NEMP2: variants seen among roughly 807,000 people sequenced by gnomAD.
The protein encoded by NEMP2 is UPF0571 transmembrane protein.
A neutral mutation model predicts 54.2 loss-of-function variants in NEMP2; 53 were observed. That is an observed-to-expected ratio of 0.98 (90% CI 0.78 to 1.23). The LOEUF (loss-of-function observed/expected upper bound fraction) is 1.23, where lower values mean the gene tolerates loss of function less well. Ranked by LOEUF, NEMP2 falls within the 50% of genes most tolerant of loss-of-function variation. The pLI is 0.00. For missense variants in NEMP2, 455 were observed against 511.3 expected, an observed-to-expected ratio of 0.89 and a Z score of 1.06; for synonymous variants, 197 against 190.3, an observed-to-expected ratio of 1.04 and a Z score of -0.29.
chr2:190,528,130 T>C lies in NEMP2; in HGVS notation c.98-2752A>G, dbSNP rs1691006501. 6.6e-6 allele frequency among the ~76,000 whole-genome samples: 1 copy of C among 152,200 alleles called. No homozygotes were observed. The highest frequency in any genetic ancestry group is 6.5e-5 in the Admixed American group (1 of 15,288). On this transcript the variant is annotated intron_variant, in intron 1 of 8. Transcript: ENST00000409150. This position sits in a 1 kb window ranked among gnomAD's most constrained non-coding sequence, Gnocchi z 4.3. ...AAGCAACCAATGCTGAGGCACATTT[T>C]TGAATATATCTGAGATGCAAATGAC...
the NEMP2 span, among the ~76,000 whole-genome samples, chr2:190,493,469 G>C: frequency 3.9e-5 from 6 of 152,142 alleles, 1 homozygote; most frequent in East Asian, 1.2e-3. Context: ...GCACTAGACA[G>C]GACATCAAGA....
chr2:190,632,604 C>T, the NEMP2 span, among the ~76,000 whole-genome samples: 1 of 152,224 alleles, frequency 6.6e-6, no homozygotes, highest in Non-Finnish European at 1.5e-5. The surrounding 1 kb of genome is among the most constrained non-coding windows in gnomAD (Gnocchi z 4.8). Flanking sequence ...GTGTCCTTGC[C>T]TTTCCAGATG....
At chr2:190,474,181 C>G in the NEMP2 span, among the ~76,000 whole-genome samples, 9 of 151,608 alleles carry the variant, frequency 5.9e-5, no homozygotes, top group African/African-American at 2.2e-4. Flanking sequence ...CAAACACATT[C>G]AAAAGCTAGC....
chr2:190,518,654 G>A, intron 4 of NEMP2, 82 bp downstream of exon 4: 1 of 1,150,656 alleles, frequency 8.7e-7, no homozygotes, highest in Non-Finnish European at 1.2e-6. Context: ...GCACAATAGT[G>A]TGAAAATACT....
At chr2:190,445,464 A>AAAAC in the NEMP2 span, among the ~76,000 whole-genome samples, 1 of 148,996 alleles carries the variant, frequency 6.7e-6, no homozygotes, top group African/African-American at 2.5e-5. Context: ...TCACAAAAAA[A>AAAAC]AAAACCCCGA....
the NEMP2 span, among the ~76,000 whole-genome samples, chr2:190,637,335 C>G: frequency 6.6e-6 from 1 of 152,184 alleles, no homozygotes; most frequent in Non-Finnish European, 1.5e-5. The surrounding 1 kb of genome is among the most constrained non-coding windows in gnomAD (Gnocchi z 4.5). Flanking sequence ...GTTGTATCTA[C>G]TATTCTCATG....
the NEMP2 span, among the ~76,000 whole-genome samples, chr2:190,444,642 A>T: frequency 6.6e-6 from 1 of 152,216 alleles, no homozygotes; most frequent in African/African-American, 2.4e-5. Context: ...TATAAAAACC[A>T]TGGCAAAGCA....
At chr2:190,445,891 G>A in the NEMP2 span, among the ~76,000 whole-genome samples, 2 of 152,094 alleles carry the variant, frequency 1.3e-5, no homozygotes, top group South Asian at 4.2e-4. Flanking sequence ...AAGCTCTAAG[G>A]ATTACAGAGC....
At chr2:190,534,219 T>TCC in intron 1 of NEMP2, 1 of 1,079,860 alleles carries the variant, frequency 9.3e-7, no homozygotes, top group Non-Finnish European at 1.1e-6. Flanking sequence ...GAGACTAGGG[T>TCC]CAGCTGTGCC....
chr2:190,486,304 C>T, the NEMP2 span, among the ~76,000 whole-genome samples: 1 of 152,308 alleles, frequency 6.6e-6, no homozygotes, highest in African/African-American at 2.4e-5. Flanking sequence ...GTAGTTCATT[C>T]CCTCACTCTG....
At chr2:190,422,158 A>G in the NEMP2 span, among the ~76,000 whole-genome samples, 1 of 152,028 alleles carries the variant, frequency 6.6e-6, no homozygotes, top group Admixed American at 6.6e-5. Flanking sequence ...CTTTCTCTGT[A>G]TTTATCAGTT....
the NEMP2 span, among the ~76,000 whole-genome samples, chr2:190,645,402 C>T: frequency 6.6e-6 from 1 of 152,098 alleles, no homozygotes. Flanking sequence ...TAGGAACATT[C>T]TAAAATTACT....
At chr2:190,563,897 GC>G in the NEMP2 span, among the ~76,000 whole-genome samples, 1 of 152,254 alleles carries the variant, frequency 6.6e-6, no homozygotes, top group Non-Finnish European at 1.5e-5. The surrounding 1 kb of genome is among the most constrained non-coding windows in gnomAD (Gnocchi z 4.3). Context: ...TGTGGGGCTG[GC>G]CCCAGGGGAG....
chr2:190,635,573 G>A, the NEMP2 span, among the ~76,000 whole-genome samples: 1 of 152,140 alleles, frequency 6.6e-6, no homozygotes, highest in African/African-American at 2.4e-5. This position sits in a 1 kb window ranked among gnomAD's most constrained non-coding sequence, Gnocchi z 4.1. Context: ...TTCTTCCATG[G>A]GAGATATGCA....
chr2:190,542,534 A>C, the NEMP2 span, among the ~76,000 whole-genome samples: 1 of 151,964 alleles, frequency 6.6e-6, no homozygotes, highest in Non-Finnish European at 1.5e-5. This position sits in a 1 kb window ranked among gnomAD's most constrained non-coding sequence, Gnocchi z 4.6. Flanking sequence ...TTTTGAGGTA[A>C]CTTTCTATAT....
At chr2:190,489,541 T>C in the NEMP2 span, among the ~76,000 whole-genome samples, 1 of 152,222 alleles carries the variant, frequency 6.6e-6, no homozygotes, top group African/African-American at 2.4e-5. The surrounding 1 kb of genome is among the most constrained non-coding windows in gnomAD (Gnocchi z 6.6). Context: ...CCTATATAAA[T>C]GCAGTTTTAT....
At chr2:190,639,093 G>C in the NEMP2 span, among the ~76,000 whole-genome samples, 2 of 152,286 alleles carry the variant, frequency 1.3e-5, no homozygotes, top group East Asian at 3.9e-4. Flanking sequence ...ATAAGGAAAA[G>C]AGACTATTTG....
At chr2:190,614,785 T>C in the NEMP2 span, among the ~76,000 whole-genome samples, 2 of 152,210 alleles carry the variant, frequency 1.3e-5, no homozygotes, top group African/African-American at 2.4e-5. The surrounding 1 kb of genome is among the most constrained non-coding windows in gnomAD (Gnocchi z 5.7). Context: ...GCAAGCCCTA[T>C]GGCTTCCCTT....
At chr2:190,437,260 G>A in the NEMP2 span, 50 of 1,614,204 alleles carry the variant, frequency 3.1e-5, no homozygotes, top group South Asian at 4.2e-4. The surrounding 1 kb of genome is among the most constrained non-coding windows in gnomAD (Gnocchi z 5.9). Context: ...GATCCCGCAG[G>A]TGGAAAGGAA....
Sources: gnomAD v4.1 joint callset for allele counts (sites outside exome capture counted in the v4.1 genomes callset) on GRCh38, gnomAD v4.1.1 for gene constraint, Gnocchi (gnomAD v3.1) non-coding constraint, MANE v1.5 for transcripts, NCBI Gene and HGNC (gene_info 2026-07-23, HGNC 2026-07-21) for gene names.